Variants in CMSS1 observed in about 807,000 individuals in gnomAD.
CMSS1 encodes the protein protein CMSS1.
CMSS1 carries 33 observed loss-of-function variants against 43.5 expected under a neutral mutation model. That is an observed-to-expected ratio of 0.76 (90% CI 0.57 to 1.01). The LOEUF is 1.01. Ranked by LOEUF, CMSS1 falls within the 50% of genes least tolerant of loss-of-function variation. The probability of loss-of-function intolerance (pLI) is 0.00; values close to 1 mark genes in which losing one functional copy is unlikely to be tolerated. For missense variants in CMSS1, 313 were observed against 326.4 expected (o/e 0.96, Z 0.32); for synonymous variants, 115 against 117.2 (o/e 0.98, Z 0.12).
intron 1 of CMSS1, among the ~76,000 whole-genome samples, chr3:100,123,374 G>A (rs2066637232): frequency 6.6e-6 from 1 of 152,208 alleles, no homozygotes; most frequent in South Asian, 2.1e-4. Flanking sequence ...CAAAGAGGAG[G>A]CAGTGGGATT....
At chr3:99,889,734 G>A (rs1433776893) in intron 1 of CMSS1, among the ~76,000 whole-genome samples, 1 of 151,362 alleles carries the variant, frequency 6.6e-6, no homozygotes, top group African/African-American at 2.4e-5. Flanking sequence ...AGGGATTAAT[G>A]ACCCTATAAA....
intron 1 of CMSS1, among the ~76,000 whole-genome samples, chr3:100,055,136 T>C (rs1044969398): frequency 3.3e-5 from 5 of 152,138 alleles, no homozygotes; most frequent in Non-Finnish European, 7.4e-5. Flanking sequence ...TTCAGAACAT[T>C]CTCAGCAGCT....
intron 1 of CMSS1, among the ~76,000 whole-genome samples, chr3:100,026,284 A>C (rs1211176062): frequency 6.6e-6 from 1 of 152,126 alleles, no homozygotes; most frequent in Non-Finnish European, 1.5e-5. Context: ...TTTTGCTGCC[A>C]TGAGTATATG....
At chr3:99,854,327 G>T (rs1445868650) in intron 1 of CMSS1, among the ~76,000 whole-genome samples, 2 of 152,084 alleles carry the variant, frequency 1.3e-5, no homozygotes, top group Admixed American at 6.5e-5. Flanking sequence ...GCTAATGCAG[G>T]TTATCATGAA....
At chr3:99,937,262 A>G (rs752431255) in intron 1 of CMSS1, among the ~76,000 whole-genome samples, 13 of 152,176 alleles carry the variant, frequency 8.5e-5, no homozygotes, top group Non-Finnish European at 1.0e-4. Context: ...ATGTGGACCA[A>G]TCTCCAATTT....
At chr3:100,118,816 C>G (rs2066597011) in intron 1 of CMSS1, among the ~76,000 whole-genome samples, 2 of 152,234 alleles carry the variant, frequency 1.3e-5, no homozygotes, top group South Asian at 4.1e-4. Context: ...TGGGCTGACT[C>G]TTAGATATCA....
At chr3:100,060,328 C>G (rs1471742678) in intron 1 of CMSS1, among the ~76,000 whole-genome samples, 1 of 152,144 alleles carries the variant, frequency 6.6e-6, no homozygotes, top group Non-Finnish European at 1.5e-5. Context: ...CTGTTTCCCA[C>G]TCCACCTCCT....
At chr3:99,988,250 C>T (rs1709404973) in intron 1 of CMSS1, among the ~76,000 whole-genome samples, 1 of 149,906 alleles carries the variant, frequency 6.7e-6, no homozygotes, top group African/African-American at 2.5e-5. Flanking sequence ...GTAATCCCAG[C>T]ACTTTGGGAG....
chr3:99,917,126 C>T (rs926380863), intron 1 of CMSS1, among the ~76,000 whole-genome samples: 1 of 152,114 alleles, frequency 6.6e-6, no homozygotes, highest in African/African-American at 2.4e-5. Flanking sequence ...TAGTAACCAC[C>T]AGCTAGTTAG....
intron 1 of CMSS1, among the ~76,000 whole-genome samples, chr3:100,091,242 G>A (rs1422054160): frequency 1.4e-5 from 2 of 145,174 alleles, no homozygotes; most frequent in East Asian, 2.0e-4. Flanking sequence ...CCGAGATTGC[G>A]CCACTGCACT....
At chr3:100,127,414 A>G (rs554818678) in intron 1 of CMSS1, among the ~76,000 whole-genome samples, 2 of 152,304 alleles carry the variant, frequency 1.3e-5, no homozygotes, top group East Asian at 1.9e-4. Flanking sequence ...CTTTCCCAGG[A>G]TGGCTCTAAA....
rs185309440 is a variant in CMSS1, at chr3:100,091,338, T to C, written c.65-55635T>C. 2.4e-3 allele frequency among the ~76,000 whole-genome samples: 361 copies of C among 151,856 alleles called. 1 individual carries two copies. Among genetic ancestry groups the C allele is most frequent in the African/African-American group, 8.2e-3 (339 of 41,410 alleles). On this transcript the variant is annotated intron_variant, in intron 1 of 9. Coordinates refer to ENST00000421999, the MANE Select transcript of CMSS1 (RefSeq NM_032359.4). Reference sequence around the variant, plus strand: ...ACCCTGCCTTTAAGGGGTGTGCATGTATGTATGTGTATGTATGTTCACCTT... The same window carrying C: ...ACCCTGCCTTTAAGGGGTGTGCATGCATGTATGTGTATGTATGTTCACCTT...
chr3:99,942,356 A>C (rs1707875416), intron 1 of CMSS1, among the ~76,000 whole-genome samples: 1 of 152,236 alleles, frequency 6.6e-6, no homozygotes, highest in African/African-American at 2.4e-5. Flanking sequence ...AATACTCCAG[A>C]AAAAAATAAT....
In CMSS1 at chr3:100,172,295, TTC is replaced by T. The variant is rs371669724; in HGVS notation, c.580-17_580-16del. ...TTTCTTAATGACTTCCTTTTCTTTC[TTC>T]TCTTTCATCTTGGAACAGGTCCAGG... On this transcript the variant is annotated intron_variant, in intron 7 of 9. Coordinates refer to ENST00000421999, the MANE Select transcript of CMSS1 (RefSeq NM_032359.4). 6.9e-4 allele frequency: 1,105 copies of T among 1,608,212 alleles called. 6 individuals carry two copies. In the African/African-American group the frequency reaches 0.013, roughly 19 times the overall value.
chr3:100,127,733 G>A (rs2066674219), intron 1 of CMSS1, among the ~76,000 whole-genome samples: 1 of 152,200 alleles, frequency 6.6e-6, no homozygotes, highest in African/African-American at 2.4e-5. Flanking sequence ...GTGGAATGGA[G>A]GGCGTGGAGA....
chr3:100,149,815 C>T (rs999080397), intron 2 of CMSS1, among the ~76,000 whole-genome samples: 3 of 152,108 alleles, frequency 2.0e-5, no homozygotes, highest in Non-Finnish European at 1.5e-5. Context: ...ATGACCATAC[C>T]GGTATCCCAG....
intron 1 of CMSS1, among the ~76,000 whole-genome samples, chr3:100,142,806 G>A (rs1227577849): frequency 6.6e-6 from 1 of 152,160 alleles, no homozygotes; most frequent in East Asian, 1.9e-4. Context: ...GAGAATATAT[G>A]TTACTTTATA....
rs146844769 is a variant in CMSS1, at chr3:100,103,809, A to T, written c.65-43164A>T. ...ATAACAAATTGTTGCATTAAGATAA[A>T]TCTGTCTGTGTTATCCTAAAGAAAA... On this transcript the variant is annotated intron_variant, in intron 1 of 9. Transcript: ENST00000421999. Among the ~76,000 whole-genome samples, 695 of 152,258 alleles carry T rather than the reference A, an allele frequency of 4.6e-3. 7 individuals are homozygous for T. Among genetic ancestry groups the T allele is most frequent in the African/African-American group, 0.016 (680 of 41,558 alleles).
chr3:99,952,584 A>G (rs1437628422), intron 1 of CMSS1, among the ~76,000 whole-genome samples: 1 of 152,276 alleles, frequency 6.6e-6, no homozygotes, highest in East Asian at 1.9e-4. Context: ...GTGCTAGAAA[A>G]CACTATGCTT....
Sources: gnomAD v4.1 joint callset for allele counts (sites outside exome capture counted in the v4.1 genomes callset) on GRCh38, gnomAD v4.1.1 for gene constraint, MANE v1.5 for transcripts, NCBI Gene and HGNC (gene_info 2026-07-23, HGNC 2026-07-21) for gene names.